Variants in ZNF596 observed in about 807,000 individuals in gnomAD.
The protein encoded by ZNF596 is zinc finger protein 596.
Under a neutral mutation model 48.3 loss-of-function variants are expected in ZNF596, and 45 were observed. The ratio of observed to expected loss-of-function variants is 0.93; its 90% CI spans 0.73 to 1.19. ZNF596 has a LOEUF of 1.19. Among genes scored for constraint, ZNF596 ranks in the 50% most tolerant of loss-of-function variants. ZNF596 has a pLI of 0.00. For missense variants in ZNF596, 848 were observed against 599.7 expected, an observed-to-expected ratio of 1.41 and a Z score of -4.32; for synonymous variants, 270 against 202.0, an observed-to-expected ratio of 1.34 and a Z score of -2.85.
rs1412660072 is a variant in ZNF596, at chr8:233,051, TG to T, written c.-73+361del. The T allele has an allele frequency of 1.5e-5, 7 of 466,430 alleles. No homozygotes were observed. In the East Asian group the frequency reaches 4.9e-4, roughly 32 times the overall value. 28.9% of individuals were successfully genotyped at this position (466,430 alleles called of 1,614,324 possible). ...CATTGCCTCGCTGTGGATGTCGAGG[TG>T]GGGCAGGAGAGTGAGGAGAAAACAG... On this transcript the variant is annotated intron_variant, in intron 1 of 5. Transcript: ENST00000398612.
At chr8:240,621 G>C (rs936220712) in intron 1 of ZNF596, 1 of 446,888 alleles carries the variant, frequency 2.2e-6, no homozygotes, top group East Asian at 3.4e-5. Context: ...ACATTTCTAG[G>C]TCTAAAATAA....
chr8:240,713 A>G, intron 1 of ZNF596, 111 bp from the exon 2 acceptor site: 1 of 673,350 alleles, frequency 1.5e-6, no homozygotes, highest in East Asian at 2.7e-5. Context: ...CCCACCCCCT[A>G]CCCACTGCAT....
At chr8:235,770 G>C (rs1426690437) in intron 1 of ZNF596, among the ~76,000 whole-genome samples, 1 of 151,948 alleles carries the variant, frequency 6.6e-6, no homozygotes, top group East Asian at 1.9e-4. Flanking sequence ...AGGAGCTATT[G>C]TATATGATAA....
At chr8:244,993 G>T (rs759587681) in intron 5 of ZNF596, among the ~76,000 whole-genome samples, 161 bp from the exon 6 acceptor site, 21 of 152,188 alleles carry the variant, frequency 1.4e-4, no homozygotes, top group South Asian at 6.2e-4. Context: ...TCTACATGCA[G>T]TTAGATAATA....
Position 246,145 on chromosome 8 carries a change from T to G in ZNF596, c.1298T>G (p.Val433Gly). 1 of 1,611,548 alleles carries G rather than the reference T, an allele frequency of 6.2e-7. No individual in the cohort carries two copies. Among genetic ancestry groups the G allele is most frequent in the Non-Finnish European group, 8.5e-7 (1 of 1,178,818 alleles). ...GGAAAAGCCTTCAATCACTCTTCTGTCCTTAGACGACATGAGAGAACTCAC... is the reference window on the plus strand; with the variant it reads ...GGAAAAGCCTTCAATCACTCTTCTGGCCTTAGACGACATGAGAGAACTCAC... Reference protein sequence around the residue: ...LCGKAFNHSSVLRRHERTHTG... With the variant: ...LCGKAFNHSSGLRRHERTHTG... Residue 433 changes from valine (V) to glycine (G), a missense_variant, in exon 6 of 6, where the codon GTC (valine) becomes GGC (glycine). Coordinates refer to ENST00000398612, the MANE Select transcript of ZNF596 (RefSeq NM_001042416.3).
In ZNF596 at chr8:247,064, C is replaced by G. The variant is rs1797119996; in HGVS notation, c.*702C>G. On this transcript the variant is annotated 3_prime_UTR_variant, in exon 6 of 6. Coordinates refer to ENST00000398612, the MANE Select transcript of ZNF596 (RefSeq NM_001042416.3). Reference sequence around the variant, plus strand: ...TACCAGCATTTTTCCAGTGAGAAAACTATCTTGACAGGATAGTGGAAAAAC... The same window carrying G: ...TACCAGCATTTTTCCAGTGAGAAAAGTATCTTGACAGGATAGTGGAAAAAC... 6.6e-6 allele frequency: 1 copy of G among 152,144 alleles called. No individual in the cohort carries two copies. Among genetic ancestry groups the G allele is most frequent in the Admixed American group, 6.5e-5 (1 of 15,268 alleles). The allele number at this position is 152,144 out of a possible 1,614,324, so 9.4% of individuals were successfully genotyped here. A position where few individuals can be genotyped will look rare whatever the true frequency, so the allele number is the denominator to read the frequency against.
rs556671635 is a variant in ZNF596, at chr8:246,242, T to C, written c.1395T>C (p.His465=). 6.8e-6 allele frequency: 11 copies of C among 1,612,548 alleles called. No homozygotes were observed. Among genetic ancestry groups the C allele is most frequent in the Admixed American group, 3.3e-5 (2 of 59,900 alleles). The stretch of plus-strand genomic sequence containing the variant: ...ATAGAAGTTACAACTTTAGACTTCA[T>C]AGAAGAGTTCACACTGGAGAGAAAC... ...AFNRSYNFRL[H]RRVHTGEKPY... Residue 465 remains histidine, a synonymous_variant, in exon 6 of 6, where the codon CAT becomes CAC. Coordinates refer to ENST00000398612, the MANE Select transcript of ZNF596 (RefSeq NM_001042416.3).
intron 1 of ZNF596, chr8:237,677 T>C (rs190629678): frequency 6.6e-6 from 1 of 152,334 alleles, no homozygotes; most frequent in Admixed American, 6.5e-5. Context: ...GAATTAGCAG[T>C]TTCTCTTTGA....
intron 2 of ZNF596, among the ~76,000 whole-genome samples, chr8:242,282 C>A (rs1796883088): frequency 6.8e-6 from 1 of 147,658 alleles, no homozygotes; most frequent in Non-Finnish European, 1.5e-5. Context: ...GCTGCATCTG[C>A]TGATACCAAG....
chr8:245,397 C>G lies in ZNF596; in HGVS notation c.550C>G (p.Pro184Ala). 4 of 1,614,152 alleles carry G rather than the reference C, an allele frequency of 2.5e-6. No homozygotes were observed. Among genetic ancestry groups the G allele is most frequent in the Middle Eastern group, 1.6e-4 (1 of 6,062 alleles). ...CTTTATCCAAAACTCTGCCCTTAGA[C>G]CACACAGTGTGACTCACACTAGAGA... is the stretch of plus-strand genomic sequence containing the variant. ...YAFIQNSALR[P>A]HSVTHTREIT... The change falls in exon 6 of 6, where the codon CCA becomes GCA. Residue 184 changes from proline (P) to alanine (A), a missense_variant. Coordinates refer to ENST00000398612, the MANE Select transcript of ZNF596 (RefSeq NM_001042416.3).
intron 1 of ZNF596, 98 bp from the exon 2 acceptor site, chr8:240,726 C>G: frequency 1.3e-6 from 1 of 742,092 alleles, no homozygotes; most frequent in Non-Finnish European, 2.3e-6. Flanking sequence ...CACTGCATGT[C>G]CTTGTTGGTT....
At position 245,832 on chromosome 8, in the gene ZNF596, C is replaced by A. The variant is rs1797054207; in HGVS notation, c.985C>A (p.His329Asn). Reference protein sequence around the residue: ...CSYLRQHERTHNGEKPYECHL... With the variant: ...CSYLRQHERTNNGEKPYECHL... ...TTACCTTAGACAACATGAAAGAACTCACAATGGAGAGAAACCATATGAATG... is the reference window on the plus strand; with the variant it reads ...TTACCTTAGACAACATGAAAGAACTAACAATGGAGAGAAACCATATGAATG... The change falls in exon 6 of 6, where the codon CAC becomes AAC. Residue 329 changes from histidine (H) to asparagine (N), a missense_variant. Coordinates refer to ENST00000398612, the MANE Select transcript of ZNF596 (RefSeq NM_001042416.3). 1 of 1,613,964 alleles carries A rather than the reference C, an allele frequency of 6.2e-7. No homozygotes were observed. The highest frequency in any genetic ancestry group is 1.3e-5 in the African/African-American group (1 of 74,910).
At chr8:235,491 A>G (rs1379680567) in intron 1 of ZNF596, among the ~76,000 whole-genome samples, 5 of 149,566 alleles carry the variant, frequency 3.3e-5, no homozygotes, top group Middle Eastern at 3.2e-3. Context: ...TTTTTTTTTT[A>G]GATTTGGATA....
rs143089776 is a variant in ZNF596, at chr8:240,890, A to T, written c.-6A>T. 249 of 1,614,162 alleles carry T rather than the reference A, an allele frequency of 1.5e-4. No homozygotes were observed. In the African/African-American group the frequency reaches 3.0e-3, roughly 19 times the overall value. ...GAGGAATACATTTGGTGGCTGAGCT[A>T]GTACAATGCCATCACCGGTGAGTGG... is the stretch of plus-strand genomic sequence containing the variant. On this transcript the variant is annotated 5_prime_UTR_variant, in exon 2 of 6. Coordinates refer to ENST00000398612, the MANE Select transcript of ZNF596 (RefSeq NM_001042416.3).
At chr8:241,839 C>A (rs1251956619) in intron 2 of ZNF596, among the ~76,000 whole-genome samples, 1 of 152,128 alleles carries the variant, frequency 6.6e-6, no homozygotes. Context: ...GGAAGCATGA[C>A]TGGGAGGCCT....
rs1797061255 is a variant in ZNF596 at position 245,929 on chromosome 8, A to G, written c.1082A>G (p.Lys361Arg). 1 of 1,614,010 alleles carries G rather than the reference A, an allele frequency of 6.2e-7. No homozygotes were observed. Among genetic ancestry groups the G allele is most frequent in the African/African-American group, 1.3e-5 (1 of 74,904 alleles). The change falls in exon 6 of 6, where the codon AAA (lysine) becomes AGA (arginine). Residue 361 changes from lysine (K) to arginine (R), a missense_variant. Coordinates refer to ENST00000398612, the MANE Select transcript of ZNF596 (RefSeq NM_001042416.3). Reference protein sequence around the residue: ...RQHERSHNGEKPHGCHLCGKA... With the variant: ...RQHERSHNGERPHGCHLCGKA... Reference sequence around the variant, plus strand: ...CATGAGCGAAGTCACAATGGAGAGAAACCACATGGATGTCATCTATGTGGG... The same window carrying G: ...CATGAGCGAAGTCACAATGGAGAGAGACCACATGGATGTCATCTATGTGGG...
intron 1 of ZNF596, chr8:237,068 T>C (rs2117072297): frequency 6.7e-6 from 1 of 149,710 alleles, no homozygotes; most frequent in Non-Finnish European, 1.5e-5. Flanking sequence ...CAGATTTTTG[T>C]GCTGATTAAT....
At position 246,284 on chromosome 8, in the gene ZNF596, A is replaced by G. The variant is rs144857602; in HGVS notation, c.1437A>G (p.Leu479=). The G allele has an allele frequency of 3.1e-6, 5 of 1,610,552 alleles. No individual in the cohort carries two copies. The African/African-American group carries it at 4.0e-5, about 13-fold the overall frequency. Reference sequence around the variant, plus strand: ...GAGAGAAACCATATGTATGTCCTCTATGTGGGAAAGCCTTTAGTAAATTTT... The same window carrying G: ...GAGAGAAACCATATGTATGTCCTCTGTGTGGGAAAGCCTTTAGTAAATTTT... ...HTGEKPYVCP[L]CGKAFSKFFN... is the part of the protein sequence containing the mutation. The change falls in exon 6 of 6, where the codon CTA becomes CTG. Residue 479 remains leucine, a synonymous_variant. Transcript: ENST00000398612.
rs1480184629 is a variant in ZNF596, at chr8:246,129, T to G, written c.1282T>G (p.Phe428Val). 1 of 1,613,516 alleles carries G rather than the reference T, an allele frequency of 6.2e-7. No homozygotes were observed. Among genetic ancestry groups the G allele is most frequent in the Admixed American group, 1.7e-5 (1 of 60,018 alleles). Residue 428 changes from phenylalanine to valine, a missense_variant, in exon 6 of 6, where the codon TTC (phenylalanine) becomes GTC (valine). Phe to Val is a conservative substitution (Grantham distance 50). Coordinates refer to ENST00000398612, the MANE Select transcript of ZNF596 (RefSeq NM_001042416.3). ...PYECHLCGKA[F>V]NHSSVLRRHE... ...TGAATGCCATCTATGCGGAAAAGCC[T>G]TCAATCACTCTTCTGTCCTTAGACG...
Sources: gnomAD v4.1 joint callset for allele counts (sites outside exome capture counted in the v4.1 genomes callset) on GRCh38, gnomAD v4.1.1 for gene constraint, MANE v1.5 for transcripts, NCBI Gene and HGNC (gene_info 2026-07-23, HGNC 2026-07-21) for gene names.